Variants in RBFOX1 observed in about 807,000 individuals in gnomAD.
RBFOX1 encodes the protein RNA binding fox-1 homolog 1, also known as RNA binding protein fox-1 homolog 1.
In RBFOX1, 8 loss-of-function variants were observed where a neutral mutation model predicts 57.7. That is an observed-to-expected ratio of 0.14 (90% CI 0.08 to 0.25). The LOEUF (loss-of-function observed/expected upper bound fraction) is 0.25, where lower values mean the gene tolerates loss of function less well. RBFOX1 is among the 10% of genes least tolerant of loss of function. The probability of loss-of-function intolerance (pLI) is 1.00; values close to 1 mark genes in which losing one functional copy is unlikely to be tolerated. For missense variants in RBFOX1, 611 were observed against 548.5 expected, an observed-to-expected ratio of 1.11 and a Z score of -1.14; for synonymous variants, 326 against 222.4, an observed-to-expected ratio of 1.47 and a Z score of -4.15.
intron 2 of RBFOX1, among the ~76,000 whole-genome samples, chr16:6,384,768 A>G (rs762317568): frequency 2.7e-4 from 41 of 152,200 alleles, no homozygotes; most frequent in Non-Finnish European, 4.7e-4. Context: ...CAAGGCTTCA[A>G]GCTTTGCTGT....
chr16:6,391,848 C>G (rs563456739), intron 2 of RBFOX1, among the ~76,000 whole-genome samples: 522 of 152,262 alleles, frequency 3.4e-3, no homozygotes, highest in Non-Finnish European at 6.2e-3. Flanking sequence ...TAAGGGAAAA[C>G]AAACATATAT....
At chr16:6,498,361 C>T (rs2095830922) in intron 2 of RBFOX1, among the ~76,000 whole-genome samples, 1 of 151,726 alleles carries the variant, frequency 6.6e-6, no homozygotes, top group Non-Finnish European at 1.5e-5. Flanking sequence ...TATATATTGA[C>T]AGAAGAGCAA....
Position 5,281,152 on chromosome 16 carries a change from A to T in RBFOX1, c.219+41047A>T, listed in dbSNP as rs547311569. ...TGTGTTTCCATTTTCTGTTTAAAAA[A>T]TTTTTTTAATTTCCATCTTAATTTC... On this transcript the variant is annotated intron_variant, in intron 1 of 2. Transcript: ENST00000585867. Among the ~76,000 whole-genome samples, 20 of 152,204 alleles carry T rather than the reference A, an allele frequency of 1.3e-4. No homozygotes were observed. In the South Asian group the frequency reaches 3.1e-3, roughly 24 times the overall value.
chr16:6,366,451 C>A (rs560656205), intron 2 of RBFOX1, among the ~76,000 whole-genome samples: 3 of 152,162 alleles, frequency 2.0e-5, no homozygotes, highest in Non-Finnish European at 4.4e-5. Flanking sequence ...AGATATGAGA[C>A]AATGTTGAAC....
chr16:7,017,464 C>T (rs866860465), intron 3 of RBFOX1, among the ~76,000 whole-genome samples: 5 of 152,136 alleles, frequency 3.3e-5, no homozygotes, highest in African/African-American at 9.7e-5. Context: ...CACACACTGA[C>T]GCGCGCACAC....
intron 3 of RBFOX1, among the ~76,000 whole-genome samples, chr16:5,632,268 A>T (rs1163708837): frequency 2.0e-5 from 3 of 152,234 alleles, no homozygotes; most frequent in African/African-American, 4.8e-5. Flanking sequence ...GAGAGTAAGG[A>T]TGAATATGGG....
intron 4 of RBFOX1, among the ~76,000 whole-genome samples, chr16:7,405,821 C>G (rs975322701): frequency 7.9e-5 from 12 of 152,180 alleles, no homozygotes; most frequent in African/African-American, 2.9e-4. Flanking sequence ...TTCCTTTCCA[C>G]TCTTCCATAC....
At chr16:6,610,927 C>T (rs2098039575) in intron 2 of RBFOX1, among the ~76,000 whole-genome samples, 1 of 152,116 alleles carries the variant, frequency 6.6e-6, no homozygotes, top group Non-Finnish European at 1.5e-5. Flanking sequence ...ATATAGTAGA[C>T]CATAAAATGT....
In RBFOX1 at chr16:7,219,349, A is replaced by G. The variant is rs76047407; in HGVS notation, c.27+167251A>G. 4.9e-3 allele frequency among the ~76,000 whole-genome samples: 745 copies of G among 152,340 alleles called. 5 individuals carry two copies. The highest frequency in any genetic ancestry group is 0.016 in the African/African-American group (681 of 41,576). On this transcript the variant is annotated intron_variant, in intron 4 of 15. Coordinates refer to ENST00000550418, the MANE Select transcript of RBFOX1 (RefSeq NM_018723.4). ...TTAATGAGCTGCAAGATCGAGCTGA[A>G]TAAGTCAGAAAGGAGTGTTGGGTAA...
chr16:7,412,073 A>G (rs4616298), intron 4 of RBFOX1, among the ~76,000 whole-genome samples: 66,217 of 151,860 alleles, frequency 0.44, 15,110 homozygotes, highest in East Asian at 0.62. Context: ...GGCTGTAGTT[A>G]ATCGTGATGT....
chr16:6,256,285 G>GTGTATATATATATGTATATATATATA (rs2097666471), intron 1 of RBFOX1, among the ~76,000 whole-genome samples: 1 of 114,214 alleles, frequency 8.8e-6, no homozygotes, highest in East Asian at 2.4e-4. Flanking sequence ...ATATATATGT[G>GTGTATATATATATGTATATATATATA]TGTATATATA....
At chr16:6,492,922 G>A (rs762291414) in intron 2 of RBFOX1, among the ~76,000 whole-genome samples, 1 of 152,176 alleles carries the variant, frequency 6.6e-6, no homozygotes, top group Non-Finnish European at 1.5e-5. Context: ...AGATAATGAA[G>A]GGACTATAAA....
Position 5,757,133 on chromosome 16 carries a change from A to G in RBFOX1, c.319-110170A>G, listed in dbSNP as rs570710028. On this transcript the variant is annotated intron_variant, in intron 3 of 19. Coordinates refer to the RBFOX1 transcript ENST00000641259. ...ACTGAGACTCTGCCATCATTACTGC[A>G]TAGCTGCCAAGCTTGCCCTTGGTCG... Among the ~76,000 whole-genome samples the G allele has an allele frequency of 3.3e-5, 5 of 152,282 alleles. No homozygotes were observed. In the South Asian group the frequency reaches 1.0e-3, roughly 32 times the overall value.
intron 3 of RBFOX1, among the ~76,000 whole-genome samples, chr16:6,858,627 A>T (rs1355906290): frequency 6.6e-6 from 1 of 152,204 alleles, no homozygotes; most frequent in Admixed American, 6.5e-5. Flanking sequence ...AGACGATTTC[A>T]TTTAGTTTAT....
At chr16:5,785,735 C>A (rs1251843051) in intron 3 of RBFOX1, among the ~76,000 whole-genome samples, 1 of 152,092 alleles carries the variant, frequency 6.6e-6, no homozygotes, top group East Asian at 1.9e-4. Context: ...CCATGTTGTT[C>A]AGGTTGGTCT....
rs533132533 is a variant in RBFOX1, at chr16:6,888,156, A to T, written c.-15-163901A>T. Among the ~76,000 whole-genome samples the T allele has an allele frequency of 5.3e-5, 8 of 152,320 alleles. No individual in the cohort carries two copies. The South Asian group carries it at 1.5e-3, about 28-fold the overall frequency. On this transcript the variant is annotated intron_variant, in intron 3 of 15. Coordinates refer to ENST00000550418, the MANE Select transcript of RBFOX1 (RefSeq NM_018723.4). Reference sequence around the variant, plus strand: ...GTTTTATTTAGGATTTAAGAACAGTAGGCAGTAGTTGTGACATTTTGAACA... The same window carrying T: ...GTTTTATTTAGGATTTAAGAACAGTTGGCAGTAGTTGTGACATTTTGAACA...
chr16:6,652,956 A>G (rs2098608673), intron 2 of RBFOX1, among the ~76,000 whole-genome samples: 1 of 152,188 alleles, frequency 6.6e-6, no homozygotes, highest in East Asian at 1.9e-4. Context: ...TTTCTCACTG[A>G]TCTCAAAATA....
intron 4 of RBFOX1, among the ~76,000 whole-genome samples, chr16:7,340,719 G>T (rs979321835): frequency 2.0e-5 from 3 of 152,206 alleles, no homozygotes; most frequent in Non-Finnish European, 4.4e-5. Flanking sequence ...ACTTTGTCAT[G>T]ACGTAGACCT....
chr16:6,860,734 G>A (rs374517283), intron 3 of RBFOX1, among the ~76,000 whole-genome samples: 2 of 152,148 alleles, frequency 1.3e-5, no homozygotes, highest in African/African-American at 2.4e-5. Context: ...ATCTCTGTGT[G>A]CCAGTGTGGA....
Sources: gnomAD v4.1 joint callset for allele counts (sites outside exome capture counted in the v4.1 genomes callset) on GRCh38, gnomAD v4.1.1 for gene constraint, MANE v1.5 for transcripts, NCBI Gene and HGNC (gene_info 2026-07-23, HGNC 2026-07-21) for gene names.